SORL1: variants seen among roughly 807,000 people sequenced by gnomAD.
SORL1 encodes the protein sortilin-related receptor.
A neutral mutation model predicts 273.7 loss-of-function variants in SORL1; 127 were observed. The ratio of observed to expected loss-of-function variants is 0.46; its 90% CI spans 0.40 to 0.54. The LOEUF (loss-of-function observed/expected upper bound fraction) is 0.54. SORL1 is among the 20% of genes least tolerant of loss of function. The pLI is 0.00. For missense variants in SORL1, 2,494 were observed against 2,846.1 expected, an observed-to-expected ratio of 0.88 and a Z score of 2.81; for synonymous variants, 1,031 against 1,067.4, an observed-to-expected ratio of 0.97 and a Z score of 0.66.
intron 11 of SORL1, among the ~76,000 whole-genome samples, chr11:121,527,177 A>G (rs1470880601): frequency 1.5e-5 from 2 of 136,450 alleles, no homozygotes; most frequent in African/African-American, 2.7e-5. Flanking sequence ...GAAGCTCCCT[A>G]TTATCACTAG....
At chr11:121,524,859 A>G (rs1285904866) in intron 11 of SORL1, among the ~76,000 whole-genome samples, 1 of 151,964 alleles carries the variant, frequency 6.6e-6, no homozygotes, top group Non-Finnish European at 1.5e-5. Flanking sequence ...CACAATTAAG[A>G]TAACAAACAT....
At chr11:121,508,781 C>G (rs1861826092) in intron 6 of SORL1, among the ~76,000 whole-genome samples, 1 of 152,202 alleles carries the variant, frequency 6.6e-6, no homozygotes, top group Non-Finnish European at 1.5e-5. Flanking sequence ...GTAAATGTGC[C>G]TTGGATTTTT....
rs969671110 is a variant in SORL1 at position 121,527,351 on chromosome 11, T to G, written c.1596+4362T>G. Among the ~76,000 whole-genome samples the G allele has an allele frequency of 6.6e-5, 10 of 152,252 alleles. No individual in the cohort carries two copies. The East Asian group carries it at 1.9e-3, about 29-fold the overall frequency. On this transcript the variant is annotated intron_variant, in intron 11 of 47. Transcript: ENST00000260197. ...CTGGAATTACTAGGACAAACTCTAC[T>G]TGGTCATAATGCATTATTCTTTTTA...
chr11:121,568,388 C>T (rs1862783249), intron 22 of SORL1, among the ~76,000 whole-genome samples: 1 of 152,186 alleles, frequency 6.6e-6, no homozygotes, highest in Admixed American at 6.5e-5. Flanking sequence ...AGAATCAACA[C>T]TAAATTCCAA....
chr11:121,540,522 C>CAAAAGAAAAAAAAAAAAAAAAAA (rs1862331254), intron 12 of SORL1, among the ~76,000 whole-genome samples: 1 of 103,862 alleles, frequency 9.6e-6, no homozygotes, highest in South Asian at 3.4e-4. Flanking sequence ...ACTAAAAATA[C>CAAAAGAAAAAAAAAAAAAAAAAA]AAAAAAAAAA....
intron 6 of SORL1, among the ~76,000 whole-genome samples, chr11:121,500,580 G>A (rs1381249865): frequency 6.6e-6 from 1 of 152,172 alleles, no homozygotes; most frequent in Non-Finnish European, 1.5e-5. Flanking sequence ...CCTATACAGA[G>A]GCAATATGGC....
chr11:121,458,730 G>T (rs925237636), intron 1 of SORL1, among the ~76,000 whole-genome samples: 2 of 152,228 alleles, frequency 1.3e-5, no homozygotes, highest in African/African-American at 2.4e-5. Context: ...AGTGGCATGG[G>T]CGGCCTTCAA....
At chr11:121,485,840 A>C (rs548361746) in intron 3 of SORL1, among the ~76,000 whole-genome samples, 2 of 152,326 alleles carry the variant, frequency 1.3e-5, no homozygotes, top group East Asian at 3.9e-4. Context: ...TTTTGCTTTC[A>C]AAACATTTAC....
intron 6 of SORL1, among the ~76,000 whole-genome samples, chr11:121,502,669 G>A (rs1459737130): frequency 6.6e-6 from 1 of 151,960 alleles, no homozygotes; most frequent in African/African-American, 2.4e-5. Flanking sequence ...CGTGGCTGTT[G>A]GCCATTTGTA....
chr11:121,498,422 G>T (rs1406763124), intron 6 of SORL1, among the ~76,000 whole-genome samples: 4 of 152,048 alleles, frequency 2.6e-5, no homozygotes, highest in Non-Finnish European at 1.5e-5. Context: ...TAATGCCTTG[G>T]GCCTGGAGTT....
intron 6 of SORL1, among the ~76,000 whole-genome samples, chr11:121,507,211 GTTCT>G (rs1861802458): frequency 1.3e-5 from 2 of 152,096 alleles, no homozygotes. Context: ...GCTTTCCAAG[GTTCT>G]TTATCTTTGG....
chr11:121,486,042 T>C (rs1197284633), intron 3 of SORL1, among the ~76,000 whole-genome samples: 1 of 152,206 alleles, frequency 6.6e-6, no homozygotes, highest in Non-Finnish European at 1.5e-5. Context: ...TGCAAAGTGC[T>C]GGTCCACACC....
At position 121,550,151 on chromosome 11, in the gene SORL1, T is replaced by C. The variant is rs1282944404; in HGVS notation, c.2180+63T>C. ...GGTCCGCACATGGAGCGAGAGAGCA[T>C]AGAGGACCGTCTGGATTGCTCTACA... On this transcript the variant is annotated intron_variant, in intron 15 of 47. Transcript: ENST00000260197. The surrounding 1 kb of genome is among the most constrained non-coding windows in gnomAD (Gnocchi z 5.3). 1.3e-6 allele frequency: 2 copies of C among 1,532,896 alleles called. No individual in the cohort carries two copies. The highest frequency in any genetic ancestry group is 1.8e-6 in the Non-Finnish European group (2 of 1,133,108). The allele number at this position is 1,532,896 out of a possible 1,614,324, so 95.0% of individuals were successfully genotyped here.
At chr11:121,486,266 C>T (rs113238791) in intron 3 of SORL1, among the ~76,000 whole-genome samples, 4 of 152,276 alleles carry the variant, frequency 2.6e-5, no homozygotes, top group East Asian at 3.9e-4. Flanking sequence ...GACCGGCCTC[C>T]GGGTCTTGCC....
chr11:121,574,518 G>A (rs1862897831), intron 24 of SORL1, among the ~76,000 whole-genome samples, 155 bp downstream of exon 24: 1 of 152,200 alleles, frequency 6.6e-6, no homozygotes, highest in African/African-American at 2.4e-5. Context: ...TGGTGGGGTT[G>A]AGTCATTTCT....
In SORL1 at chr11:121,605,535, A is replaced by G. The variant is rs1393409409; in HGVS notation, c.4912A>G (p.Thr1638Ala). 1 of 1,614,148 alleles carries G rather than the reference A, an allele frequency of 6.2e-7. No homozygotes were observed. The highest frequency in any genetic ancestry group is 8.5e-7 in the Non-Finnish European group (1 of 1,179,984). Residue 1638 changes from threonine to alanine, a missense_variant, in exon 35 of 48, where the codon ACC becomes GCC. By Grantham distance (58) the Thr-to-Ala change is moderately conservative. This residue lies in a region of SORL1 where 1,609 missense variants were observed against 1,816.4 expected (regional missense o/e 0.89). Transcript: ENST00000260197. ...QVQCLSKAHN[T>A]NDFVTLRTPE... is the part of the protein sequence containing the mutation. ...TCAGTGTCTCAGCAAGGCACACAAC[A>G]CCAATGACTTTGTGACCCTGAGGAC... is the stretch of plus-strand genomic sequence containing the variant.
rs1378026097 is a variant in SORL1 at position 121,554,299 on chromosome 11, T to C, written c.2439+190T>C. 1.3e-5 allele frequency among the ~76,000 whole-genome samples: 2 copies of C among 152,210 alleles called. No individual in the cohort carries two copies. Among genetic ancestry groups the C allele is most frequent in the African/African-American group, 2.4e-5 (1 of 41,448 alleles). ...TTCTTTCTCTGTCTTCATCTGTTCA[T>C]ATAGGAAGGATAAAGAAAGCCCTAA... On this transcript the variant is annotated intron_variant, in intron 17 of 47. Coordinates refer to ENST00000260197, the MANE Select transcript of SORL1 (RefSeq NM_003105.6). This position sits in a 1 kb window ranked among gnomAD's most constrained non-coding sequence, Gnocchi z 4.6.
intron 23 of SORL1, among the ~76,000 whole-genome samples, chr11:121,570,995 T>C (rs1862833429): frequency 6.6e-6 from 1 of 152,244 alleles, no homozygotes; most frequent in Non-Finnish European, 1.5e-5. Context: ...TTGTCAGTCA[T>C]GCACTCACTC....
chr11:121,542,611 G>A (rs1043562302), intron 12 of SORL1, among the ~76,000 whole-genome samples: 1 of 151,948 alleles, frequency 6.6e-6, no homozygotes, highest in Non-Finnish European at 1.5e-5. Context: ...TGCTATTGAT[G>A]ATGTTTAGTT....
Sources: gnomAD v4.1 joint callset for allele counts (sites outside exome capture counted in the v4.1 genomes callset) on GRCh38, gnomAD v4.1.1 for gene constraint, gnomAD v4.1.1 regional missense constraint, Gnocchi (gnomAD v3.1) non-coding constraint, MANE v1.5 for transcripts, NCBI Gene and HGNC (gene_info 2026-07-23, HGNC 2026-07-21) for gene names.